CTNNA2: variants seen among roughly 807,000 people sequenced by gnomAD.
CTNNA2 encodes the protein catenin alpha-2.
Under a neutral mutation model 101.0 loss-of-function variants are expected in CTNNA2, and 42 were observed. The observed-to-expected ratio is 0.42, with a 90% CI of 0.32 to 0.54. CTNNA2 has a LOEUF of 0.54. CTNNA2 is among the 20% of genes least tolerant of loss of function. The pLI is 0.14. For synonymous variants in CTNNA2, 450 were observed against 456.4 expected, an observed-to-expected ratio of 0.99 and a Z score of 0.18; for missense variants, 871 against 1,223.1, an observed-to-expected ratio of 0.71 and a Z score of 4.29.
rs1258697237 is a variant in CTNNA2 at position 79,869,877 on chromosome 2, T to C, written c.527T>C (p.Phe176Ser). 1 of 1,613,992 alleles carries C rather than the reference T, an allele frequency of 6.2e-7. No individual in the cohort carries two copies. The highest frequency in any genetic ancestry group is 1.3e-5 in the African/African-American group (1 of 74,920). ...ATNEQDLANR[F>S]KEFGKEMVKL... ...AATGAGCAAGACCTTGCAAACCGTTTTAAAGAGTTTGGGAAAGAGATGGTG... is the reference window on the plus strand; with the variant it reads ...AATGAGCAAGACCTTGCAAACCGTTCTAAAGAGTTTGGGAAAGAGATGGTG... Residue 176 changes from phenylalanine (F) to serine (S), a missense_variant, in exon 5 of 19, where the codon TTT becomes TCT. Phe to Ser is a radical substitution (Grantham distance 155). This residue lies in a region of CTNNA2 where 647 missense variants were observed against 831.5 expected (regional missense o/e 0.78). Coordinates refer to ENST00000402739, the MANE Select transcript of CTNNA2 (RefSeq NM_001282597.3).
intron 2 of CTNNA2, among the ~76,000 whole-genome samples, chr2:79,254,775 C>T (rs571214583): frequency 1.4e-4 from 12 of 88,670 alleles, no homozygotes; most frequent in African/African-American, 4.9e-4. Flanking sequence ...CAAAATAGGA[C>T]TTAAAATAAA....
chr2:79,879,500 A>T (rs965622887), intron 6 of CTNNA2, among the ~76,000 whole-genome samples: 4 of 152,062 alleles, frequency 2.6e-5, no homozygotes, highest in African/African-American at 4.8e-5. Context: ...TTCCTTGAGC[A>T]GTGGTTTGTA....
rs1489401516 is a variant in CTNNA2, at chr2:80,555,910, G to T, written c.1741+17G>T. 1.4e-6 allele frequency: 2 copies of T among 1,439,806 alleles called. No individual in the cohort carries two copies. The highest frequency in any genetic ancestry group is 1.8e-6 in the Non-Finnish European group (2 of 1,086,332). 89.2% of individuals were successfully genotyped at this position (1,439,806 alleles called of 1,614,324 possible). On this transcript the variant is annotated intron_variant, in intron 12 of 18. Coordinates refer to ENST00000402739, the MANE Select transcript of CTNNA2 (RefSeq NM_001282597.3). ...CTGAAACAGGTAAGCATGGGTATTG[G>T]GTCTGGCCAAAATGTTAATGCCTTG... is the stretch of plus-strand genomic sequence containing the variant.
chr2:80,595,864 T>A (rs1242994363), intron 15 of CTNNA2, among the ~76,000 whole-genome samples: 2 of 152,132 alleles, frequency 1.3e-5, no homozygotes, highest in East Asian at 3.9e-4. Context: ...TTGTTTCACA[T>A]GAAATTTAAA....
At chr2:80,503,225 C>T (rs566839640) in intron 9 of CTNNA2, among the ~76,000 whole-genome samples, 75 of 152,092 alleles carry the variant, frequency 4.9e-4, no homozygotes, top group Middle Eastern at 3.4e-3. Flanking sequence ...AATTGCAAAA[C>T]GTTAGGCTTT....
At chr2:80,146,935 TTTTA>T (rs71386614) in intron 7 of CTNNA2, among the ~76,000 whole-genome samples, 9,624 of 131,396 alleles carry the variant, frequency 0.073, 366 homozygotes, top group South Asian at 0.098. Context: ...GTATTTTGTA[TTTTA>T]TTTATTTATT....
In CTNNA2 at chr2:80,629,336, A is replaced by G. The variant is rs1408319712; in HGVS notation, c.2574+10108A>G. Among the ~76,000 whole-genome samples, 6 of 152,158 alleles carry G rather than the reference A, an allele frequency of 3.9e-5. No homozygotes were observed. In the East Asian group the frequency reaches 1.2e-3, roughly 29 times the overall value. ...ACAGAGAGGGGATAGTTGAAAATAC[A>G]GAAAGGAATAACCTCAATAGAAGTG... On this transcript the variant is annotated intron_variant, in intron 18 of 18. Coordinates refer to ENST00000402739, the MANE Select transcript of CTNNA2 (RefSeq NM_001282597.3).
At chr2:80,451,648 C>T (rs1319485451) in intron 9 of CTNNA2, among the ~76,000 whole-genome samples, 1 of 152,072 alleles carries the variant, frequency 6.6e-6, no homozygotes, top group Non-Finnish European at 1.5e-5. Context: ...ATATATGGGT[C>T]AACCCTTTAA....
intron 4 of CTNNA2, among the ~76,000 whole-genome samples, chr2:79,388,896 C>A (rs1027475194): frequency 1.3e-5 from 2 of 151,954 alleles, no homozygotes; most frequent in African/African-American, 4.8e-5. Flanking sequence ...TTTTTCCCTG[C>A]AACATAAAAA....
At chr2:79,679,706 T>C (rs1001972411) in intron 2 of CTNNA2, among the ~76,000 whole-genome samples, 8 of 152,290 alleles carry the variant, frequency 5.3e-5, no homozygotes, top group East Asian at 1.9e-4. Context: ...TTCAATGTCC[T>C]GCAGCCTCTG....
intron 7 of CTNNA2, among the ~76,000 whole-genome samples, chr2:80,325,415 T>C (rs1186842437): frequency 6.6e-6 from 1 of 152,224 alleles, no homozygotes; most frequent in East Asian, 1.9e-4. Context: ...TTAACCTTAG[T>C]CTCCACTTTT....
At chr2:79,539,995 C>T (rs1265566128) in intron 1 of CTNNA2, among the ~76,000 whole-genome samples, 1 of 152,176 alleles carries the variant, frequency 6.6e-6, no homozygotes, top group African/African-American at 2.4e-5. Flanking sequence ...AGCAGTTACA[C>T]ACTAATTTGT....
chr2:80,421,203 C>T (rs1680499864), intron 9 of CTNNA2, among the ~76,000 whole-genome samples: 1 of 152,096 alleles, frequency 6.6e-6, no homozygotes, highest in Admixed American at 6.5e-5. Context: ...TAAATATTCA[C>T]ATGTAATAAA....
At chr2:80,368,364 ATAGGGTGCATG>A (rs1445024558) in intron 7 of CTNNA2, among the ~76,000 whole-genome samples, 1 of 152,184 alleles carries the variant, frequency 6.6e-6, no homozygotes, top group Non-Finnish European at 1.5e-5. Flanking sequence ...ATTAGTAGTA[ATAGGGTGCATG>A]TAGAGGACAG....
At chr2:80,215,647 C>T (rs1309906137) in intron 7 of CTNNA2, among the ~76,000 whole-genome samples, 1 of 152,152 alleles carries the variant, frequency 6.6e-6, no homozygotes, top group Non-Finnish European at 1.5e-5. Flanking sequence ...GGGCACCTGG[C>T]TGTATGAAGT....
At position 79,990,204 on chromosome 2, in the gene CTNNA2, G is replaced by A. The variant is rs547009197; in HGVS notation, c.1056+80407G>A. Among the ~76,000 whole-genome samples the A allele has an allele frequency of 2.1e-4, 32 of 152,240 alleles. 1 individual carries two copies. The highest frequency in any genetic ancestry group is 3.4e-3 in the Middle Eastern group (1 of 292). On this transcript the variant is annotated intron_variant, in intron 7 of 18. Transcript: ENST00000402739. ...CTCTAGGGAGAACTCAGGAAGCAGC[G>A]CAACCCCAGGGAACAATGACTGCAG...
intron 7 of CTNNA2, among the ~76,000 whole-genome samples, chr2:80,014,982 G>A (rs1574544405): frequency 6.6e-6 from 1 of 152,242 alleles, no homozygotes; most frequent in East Asian, 1.9e-4. Context: ...TTATCTCTAG[G>A]TTTTCTTAGA....
At chr2:80,047,488 G>A (rs993469231) in intron 7 of CTNNA2, among the ~76,000 whole-genome samples, 10 of 152,148 alleles carry the variant, frequency 6.6e-5, no homozygotes, top group African/African-American at 2.4e-4. Flanking sequence ...AGGGGGTTAG[G>A]GAAGAAGACA....
rs538885728 is a variant in CTNNA2 at position 79,588,076 on chromosome 2, G to A, written c.-5-63476G>A. Reference sequence around the variant, plus strand: ...CAGAGAACTTTTTTCAGAAAGAAGGGCAGGAAGATTGTTTCAGGCCATTCT... The same window carrying A: ...CAGAGAACTTTTTTCAGAAAGAAGGACAGGAAGATTGTTTCAGGCCATTCT... On this transcript the variant is annotated intron_variant, in intron 1 of 18. Transcript: ENST00000402739. Among the ~76,000 whole-genome samples, 4 of 152,258 alleles carry A rather than the reference G, an allele frequency of 2.6e-5. No homozygotes were observed. In the East Asian group the frequency reaches 7.7e-4, roughly 29 times the overall value.
Sources: gnomAD v4.1 joint callset for allele counts (sites outside exome capture counted in the v4.1 genomes callset) on GRCh38, gnomAD v4.1.1 for gene constraint, gnomAD v4.1.1 regional missense constraint, MANE v1.5 for transcripts, NCBI Gene and HGNC (gene_info 2026-07-23, HGNC 2026-07-21) for gene names.